ARHGAP17: variants seen among roughly 807,000 people sequenced by gnomAD.
ARHGAP17 encodes rho GTPase-activating protein 17.
ARHGAP17 carries 57 observed loss-of-function variants against 99.5 expected under a neutral mutation model. The ratio of observed to expected loss-of-function variants is 0.57; its 90% CI spans 0.46 to 0.71. The LOEUF is 0.71. ARHGAP17 is among the 30% of genes least tolerant of loss of function. The probability of loss-of-function intolerance (pLI) is 0.00; values close to 1 mark genes in which losing one functional copy is unlikely to be tolerated. For missense variants in ARHGAP17, 1,000 were observed against 1,122.4 expected (o/e 0.89, Z 1.56); for synonymous variants, 417 against 429.6 (o/e 0.97, Z 0.36).
At chr16:25,003,688 G>A (rs1274965407) in intron 1 of ARHGAP17, among the ~76,000 whole-genome samples, 1 of 151,894 alleles carries the variant, frequency 6.6e-6, no homozygotes, top group Non-Finnish European at 1.5e-5. Context: ...GCCGGGAGTG[G>A]TAGTGCACAC....
At chr16:24,951,489 A>G (rs1246910288) in intron 12 of ARHGAP17, among the ~76,000 whole-genome samples, 1 of 152,254 alleles carries the variant, frequency 6.6e-6, no homozygotes, top group African/African-American at 2.4e-5. Flanking sequence ...CAAATTTTTC[A>G]ATAAACATAT....
At chr16:24,982,988 ATATATATATTTTTTTT>A (rs1326173711) in intron 1 of ARHGAP17, among the ~76,000 whole-genome samples, 1 of 31,894 alleles carries the variant, frequency 3.1e-5, no homozygotes, top group African/African-American at 1.3e-4. Flanking sequence ...ATATATATAT[ATATATATATTTTTTTT>A]TTTTTTTTTT....
chr16:24,981,035 A>T (rs1295260788), intron 1 of ARHGAP17, among the ~76,000 whole-genome samples: 1 of 152,208 alleles, frequency 6.6e-6, no homozygotes, highest in Admixed American at 6.5e-5. Context: ...GAAGAGAAGA[A>T]CTTGCTCTAC....
intron 1 of ARHGAP17, among the ~76,000 whole-genome samples, chr16:24,987,481 T>C (rs1194211529): frequency 6.6e-6 from 1 of 152,224 alleles, no homozygotes; most frequent in African/African-American, 2.4e-5. Context: ...GGGGGATTTC[T>C]ACGTTTTCCC....
intron 6 of ARHGAP17, among the ~76,000 whole-genome samples, chr16:24,964,776 TG>T (rs2052121906): frequency 6.6e-6 from 1 of 152,162 alleles, no homozygotes; most frequent in Non-Finnish European, 1.5e-5. Flanking sequence ...ATCTGTGACC[TG>T]GGATTACTTT....
At chr16:24,926,249 T>C (rs2050841248) in intron 19 of ARHGAP17, among the ~76,000 whole-genome samples, 1 of 152,078 alleles carries the variant, frequency 6.6e-6, no homozygotes, top group South Asian at 2.1e-4. Context: ...TCTCAAGAGT[T>C]TTAATATCCA....
chr16:24,998,890 C>T (rs141274731), intron 1 of ARHGAP17, among the ~76,000 whole-genome samples: 1,672 of 152,238 alleles, frequency 0.011, 86 homozygotes, highest in Admixed American at 0.077. Flanking sequence ...CAAGCCAGGG[C>T]GGGAGGGACT....
At chr16:24,961,533 T>A (rs867349892) in intron 7 of ARHGAP17, among the ~76,000 whole-genome samples, 1 of 135,482 alleles carries the variant, frequency 7.4e-6, no homozygotes, top group African/African-American at 2.8e-5. Flanking sequence ...TTTTTTTTTT[T>A]TTTTTTTTTT....
intron 14 of ARHGAP17, among the ~76,000 whole-genome samples, chr16:24,944,693 T>C (rs548863502): frequency 6.6e-6 from 1 of 152,298 alleles, no homozygotes; most frequent in East Asian, 1.9e-4. Flanking sequence ...CTCAGCTCAC[T>C]GCAAGCTCCG....
intron 6 of ARHGAP17, among the ~76,000 whole-genome samples, chr16:24,965,658 A>G (rs1004247657): frequency 3.3e-5 from 5 of 152,204 alleles, no homozygotes; most frequent in Non-Finnish European, 7.3e-5. Context: ...TGAAAGGAGC[A>G]TAGATTTCAG....
intron 8 of ARHGAP17, 31 bp from the exon 9 acceptor site, chr16:24,959,783 G>A (rs746719453): frequency 6.2e-7 from 1 of 1,611,572 alleles, no homozygotes; most frequent in African/African-American, 1.3e-5. Context: ...AAAAACAAAA[G>A]TAACGTTAGC....
intron 1 of ARHGAP17, among the ~76,000 whole-genome samples, chr16:24,982,931 G>C (rs755143454): frequency 7.3e-4 from 96 of 131,242 alleles, no homozygotes; most frequent in Admixed American, 5.2e-3. Context: ...AGTAGACAAA[G>C]TGATCCAATC....
chr16:25,004,412 C>T (rs2053452522), intron 1 of ARHGAP17, among the ~76,000 whole-genome samples: 1 of 152,200 alleles, frequency 6.6e-6, no homozygotes, highest in Admixed American at 6.5e-5. Context: ...AGTAGAAACA[C>T]TTCGGTGTAT....
At chr16:24,968,607 C>T (rs2052264028) in intron 5 of ARHGAP17, 54 bp downstream of exon 5, 1 of 1,586,864 alleles carries the variant, frequency 6.3e-7, no homozygotes, top group Non-Finnish European at 8.6e-7. Flanking sequence ...TTAACACTCA[C>T]TGTCCAGCCC....
chr16:24,954,773 G>C, intron 9 of ARHGAP17, 43 bp from the exon 10 acceptor site: 2 of 1,605,748 alleles, frequency 1.2e-6, no homozygotes, highest in South Asian at 2.2e-5. Context: ...ACAAACTCAC[G>C]GCATTACCAA....
At chr16:24,958,772 C>A (rs1597405898) in intron 9 of ARHGAP17, among the ~76,000 whole-genome samples, 1 of 152,292 alleles carries the variant, frequency 6.6e-6, no homozygotes, top group East Asian at 1.9e-4. Flanking sequence ...CACACACAGA[C>A]ACATGCTCGG....
intron 12 of ARHGAP17, 82 bp from the exon 13 acceptor site, chr16:24,949,566 C>T: frequency 8.4e-7 from 1 of 1,185,968 alleles, no homozygotes; most frequent in Admixed American, 2.1e-5. Flanking sequence ...AATGAGGCCT[C>T]CATTTTGACA....
At chr16:24,935,247 A>T (rs1317106527) in intron 18 of ARHGAP17, among the ~76,000 whole-genome samples, 2 of 152,168 alleles carry the variant, frequency 1.3e-5, no homozygotes, top group African/African-American at 4.8e-5. Flanking sequence ...CTGTTTGTTA[A>T]GCTTTGTCAC....
At chr16:24,931,754 T>C (rs2050998839) in intron 18 of ARHGAP17, among the ~76,000 whole-genome samples, 1 of 152,006 alleles carries the variant, frequency 6.6e-6, no homozygotes, top group Non-Finnish European at 1.5e-5. Flanking sequence ...CTGGATGAGA[T>C]CCTGGGACAG....
Sources: gnomAD v4.1 joint callset for allele counts (sites outside exome capture counted in the v4.1 genomes callset) on GRCh38, gnomAD v4.1.1 for gene constraint, MANE v1.5 for transcripts, NCBI Gene and HGNC (gene_info 2026-07-23, HGNC 2026-07-21) for gene names.